Variants in SNED1 observed in about 807,000 individuals in gnomAD.
The protein encoded by SNED1 is sushi, nidogen and EGF like domains 1, also known as sushi, nidogen and EGF-like domain-containing protein 1.
In SNED1, 81 loss-of-function variants were observed where a neutral mutation model predicts 166.7. The ratio of observed to expected loss-of-function variants is 0.49; its 90% CI spans 0.41 to 0.58. The LOEUF is 0.58. SNED1 is among the 20% of genes least tolerant of loss of function. SNED1 has a pLI of 0.00. For synonymous variants in SNED1, 762 were observed against 822.0 expected, an observed-to-expected ratio of 0.93 and a Z score of 1.25; for missense variants, 1,604 against 2,000.2, an observed-to-expected ratio of 0.80 and a Z score of 3.78.
Position 241,026,009 on chromosome 2 carries a change from C to CTTTTTTTTTTTTTT in SNED1, c.214-4264_214-4251dup, listed in dbSNP as rs71404676. Among the ~76,000 whole-genome samples, 120 of 73,592 alleles carry CTTTTTTTTTTTTTT rather than the reference C, an allele frequency of 1.6e-3. 15 individuals carry two copies. Among genetic ancestry groups the CTTTTTTTTTTTTTT allele is most frequent in the Middle Eastern group, 0.02 (1 of 50 alleles). The allele number at this position is 73,592 out of a possible 152,430, so 48.3% of individuals were successfully genotyped here. On this transcript the variant is annotated intron_variant, in intron 1 of 31. Coordinates refer to ENST00000310397, the MANE Select transcript of SNED1 (RefSeq NM_001080437.3). ...TTGATGTGGCTTTGTTTTTCTTTTC[C>CTTTTTTTTTTTTTT]TTTTTTTTTTTTTTTTTTTTTTTTG...
At chr2:241,079,585 G>A (rs959055650) in intron 27 of SNED1, among the ~76,000 whole-genome samples, 6 of 152,092 alleles carry the variant, frequency 3.9e-5, no homozygotes, top group Non-Finnish European at 5.9e-5. Context: ...ACTGGAGATC[G>A]GCGAGGCTTC....
At chr2:241,030,175 C>A in intron 1 of SNED1, 109 bp from the exon 2 acceptor site, 2 of 1,076,880 alleles carry the variant, frequency 1.9e-6, no homozygotes, top group Non-Finnish European at 2.6e-6. Context: ...CTGCCCAGGA[C>A]TGGCTTCCCC....
chr2:240,999,044 A>G lies in SNED1; in HGVS notation c.207A>G (p.Gly69=). 1 of 1,310,898 alleles carries G rather than the reference A, an allele frequency of 7.6e-7. No individual in the cohort carries two copies. The highest frequency in any genetic ancestry group is 9.7e-7 in the Non-Finnish European group (1 of 1,026,540). The allele number at this position is 1,310,898 out of a possible 1,614,324, so 81.2% of individuals were successfully genotyped here. A position where few individuals can be genotyped will look rare whatever the true frequency, so the allele number is the denominator to read the frequency against. ...PFPFFGAEHS[G]LYVNNNGIIS... is the part of the protein sequence containing the mutation. ...CGTTCTTCGGTGCCGAGCACTCCGGACTCTACGTGAGTAACCCCCGGGCTC... is the reference window on the plus strand; with the variant it reads ...CGTTCTTCGGTGCCGAGCACTCCGGGCTCTACGTGAGTAACCCCCGGGCTC... Residue 69 remains glycine, a synonymous_variant, in exon 1 of 32, where the codon GGA becomes GGG. Transcript: ENST00000310397. This position sits in a 1 kb window ranked among gnomAD's most constrained non-coding sequence, Gnocchi z 5.8.
At chr2:241,085,366 A>G (rs759748988) in intron 29 of SNED1, among the ~76,000 whole-genome samples, 3 of 152,096 alleles carry the variant, frequency 2.0e-5, no homozygotes, top group African/African-American at 7.2e-5. Flanking sequence ...TGCAGCATCT[A>G]CCATTAATCC....
In SNED1 at chr2:241,001,559, G is replaced by A. The variant is rs113732101; in HGVS notation, c.213+2509G>A. Among the ~76,000 whole-genome samples the A allele has an allele frequency of 1.2e-4, 18 of 152,358 alleles. 1 individual carries two copies. Among genetic ancestry groups the A allele is most frequent in the South Asian group, 6.2e-4 (3 of 4,828 alleles). ...ATGCAGCCGAGGAGCGTGGCGCGCC[G>A]AGGAGTGTGGCGTGCTGAGGAGTGT... On this transcript the variant is annotated intron_variant, in intron 1 of 31. Coordinates refer to ENST00000310397, the MANE Select transcript of SNED1 (RefSeq NM_001080437.3).
chr2:241,001,991 G>T (rs1374939992), intron 1 of SNED1, among the ~76,000 whole-genome samples: 1 of 152,188 alleles, frequency 6.6e-6, no homozygotes, highest in Admixed American at 6.5e-5. Context: ...CCGCAAGTCT[G>T]CTGGCTCTGG....
intron 29 of SNED1, among the ~76,000 whole-genome samples, chr2:241,083,625 C>T (rs535848347): frequency 6.6e-6 from 1 of 152,232 alleles, no homozygotes; most frequent in South Asian, 2.1e-4. Flanking sequence ...AGTGAGAGTC[C>T]GAATCCACAG....
At chr2:241,039,111 C>T (rs1268114974) in intron 6 of SNED1, among the ~76,000 whole-genome samples, 1 of 152,216 alleles carries the variant, frequency 6.6e-6, no homozygotes, top group Non-Finnish European at 1.5e-5. Context: ...CGCCTCGACC[C>T]CCCACAGGGG....
At chr2:241,048,906 G>A in intron 10 of SNED1, 116 bp from the exon 11 acceptor site, 1 of 1,192,696 alleles carries the variant, frequency 8.4e-7, no homozygotes, top group Non-Finnish European at 1.2e-6. Context: ...CTGGCCACAA[G>A]AGTGCCTGAA....
intron 1 of SNED1, among the ~76,000 whole-genome samples, chr2:241,029,492 C>T (rs993952138): frequency 6.6e-6 from 1 of 152,214 alleles, no homozygotes; most frequent in African/African-American, 2.4e-5. Flanking sequence ...CCAAAGGCCC[C>T]ACCTGCTAAC....
chr2:241,077,371 T>C (rs920041898), intron 27 of SNED1, among the ~76,000 whole-genome samples: 1 of 152,164 alleles, frequency 6.6e-6, no homozygotes, highest in Non-Finnish European at 1.5e-5. Context: ...TGAGGGTCCT[T>C]AGGCTCAACA....
At chr2:241,053,937 G>A (rs1404516270) in intron 16 of SNED1, among the ~76,000 whole-genome samples, 1 of 152,206 alleles carries the variant, frequency 6.6e-6, no homozygotes, top group Non-Finnish European at 1.5e-5. Context: ...TGTGTGATGT[G>A]AGCTAGTTTT....
chr2:241,090,302 C>T (rs1488827751), intron 31 of SNED1: 11 of 1,549,288 alleles, frequency 7.1e-6, no homozygotes, highest in Non-Finnish European at 9.6e-6. Flanking sequence ...ATCCATGTCA[C>T]CTTCTTCCAC....
At position 241,061,257 on chromosome 2, in the gene SNED1, A is replaced by T. The variant is rs1003559045; in HGVS notation, c.2258-1534A>T. On this transcript the variant is annotated intron_variant, in intron 16 of 31. Transcript: ENST00000310397. ...AAGAAGAGATACAAAAGGCCAACAA[A>T]CATAAAAAGAAATATTCTATTTCAT... Among the ~76,000 whole-genome samples the T allele has an allele frequency of 3.3e-5, 5 of 152,350 alleles. No individual in the cohort carries two copies. The East Asian group carries it at 9.6e-4, about 29-fold the overall frequency.
At chr2:241,024,703 G>A (rs964362880) in intron 1 of SNED1, among the ~76,000 whole-genome samples, 21 of 63,368 alleles carry the variant, frequency 3.3e-4, no homozygotes, top group African/African-American at 1.5e-3. Flanking sequence ...ACAGAGTCTC[G>A]CTCTGTTGCC....
chr2:241,039,511 C>G (rs188727078), intron 6 of SNED1, among the ~76,000 whole-genome samples: 6 of 152,224 alleles, frequency 3.9e-5, no homozygotes, highest in African/African-American at 9.6e-5. Flanking sequence ...GCTCTGGACT[C>G]AAGGAGGGCC....
intron 8 of SNED1, among the ~76,000 whole-genome samples, chr2:241,043,284 A>G (rs2061563579): frequency 6.6e-6 from 1 of 152,226 alleles, no homozygotes; most frequent in Non-Finnish European, 1.5e-5. Context: ...AAGCCACATT[A>G]CATACAGCGA....
At chr2:241,084,446 G>C (rs1192545356) in intron 29 of SNED1, among the ~76,000 whole-genome samples, 1 of 152,088 alleles carries the variant, frequency 6.6e-6, no homozygotes, top group Non-Finnish European at 1.5e-5. Flanking sequence ...GAGTGACTGT[G>C]CCCGGCCAGC....
chr2:241,002,124 C>T (rs1040200975), intron 1 of SNED1, among the ~76,000 whole-genome samples: 3 of 152,166 alleles, frequency 2.0e-5, no homozygotes, highest in Non-Finnish European at 4.4e-5. Context: ...TGGTCATTTC[C>T]TCCCTGAGCC....
Sources: gnomAD v4.1 joint callset for allele counts (sites outside exome capture counted in the v4.1 genomes callset) on GRCh38, gnomAD v4.1.1 for gene constraint, Gnocchi (gnomAD v3.1) non-coding constraint, MANE v1.5 for transcripts, NCBI Gene and HGNC (gene_info 2026-07-23, HGNC 2026-07-21) for gene names.